LRGUK: variants seen among roughly 807,000 people sequenced by gnomAD.
The protein encoded by LRGUK is leucine-rich repeat and guanylate kinase domain-containing protein.
A neutral mutation model predicts 76.0 loss-of-function variants in LRGUK; 65 were observed. The observed-to-expected ratio is 0.85, with a 90% CI of 0.70 to 1.05. The LOEUF (loss-of-function observed/expected upper bound fraction) is 1.05. LRGUK is among the 50% of genes least tolerant of loss of function. The pLI is 0.00. For missense variants in LRGUK, 758 were observed against 732.8 expected (o/e 1.03, Z -0.40); for synonymous variants, 268 against 265.6 (o/e 1.01, Z -0.09).
At chr7:134,237,430 G>A (rs1802043678) in intron 16 of LRGUK, among the ~76,000 whole-genome samples, 1 of 151,996 alleles carries the variant, frequency 6.6e-6, no homozygotes, top group Admixed American at 6.6e-5. Context: ...TATCATTTAT[G>A]GTCATTATGA....
At chr7:134,258,521 A>G (rs558514273) in intron 19 of LRGUK, 116 bp downstream of exon 19, 1 of 926,462 alleles carries the variant, frequency 1.1e-6, no homozygotes, top group African/African-American at 1.7e-5. Context: ...AAAATTGTGA[A>G]ACCCCATCTC....
rs555477184 is a variant in LRGUK, at chr7:134,166,151, A to G, written c.939+2611A>G. Reference sequence around the variant, plus strand: ...CTCGGTGGAAAATTTATCATTTAGCAGAAACATAACCTAGCTTCTGCTTCT... The same window carrying G: ...CTCGGTGGAAAATTTATCATTTAGCGGAAACATAACCTAGCTTCTGCTTCT... On this transcript the variant is annotated intron_variant, in intron 7 of 15. Transcript: ENST00000645682. Among the ~76,000 whole-genome samples the G allele has an allele frequency of 1.8e-4, 28 of 151,920 alleles. 1 individual carries two copies. Among genetic ancestry groups the G allele is most frequent in the African/African-American group, 6.5e-4 (27 of 41,396 alleles).
chr7:134,200,346 A>G (rs1176770711), intron 14 of LRGUK, among the ~76,000 whole-genome samples: 1 of 152,020 alleles, frequency 6.6e-6, no homozygotes, highest in East Asian at 1.9e-4. Context: ...AAATTTCTAT[A>G]TATTTTTAAA....
chr7:134,208,175 A>C (rs1436426411), intron 15 of LRGUK, among the ~76,000 whole-genome samples: 1 of 152,118 alleles, frequency 6.6e-6, no homozygotes, highest in Non-Finnish European at 1.5e-5. Context: ...TCCTTCTTAC[A>C]TTCATCACCC....
At chr7:134,208,127 C>T (rs1202998729) in intron 15 of LRGUK, among the ~76,000 whole-genome samples, 4 of 152,174 alleles carry the variant, frequency 2.6e-5, no homozygotes, top group Non-Finnish European at 4.4e-5. Flanking sequence ...TGTTCTGAGC[C>T]ATGGTGCCTT....
At chr7:134,158,206 T>G (rs757138567) in intron 6 of LRGUK, 47 bp downstream of exon 6, 2 of 1,514,332 alleles carry the variant, frequency 1.3e-6, no homozygotes, top group Non-Finnish European at 1.8e-6. Context: ...TAGTTAATGC[T>G]TTTAGTAACT....
the LRGUK span, among the ~76,000 whole-genome samples, chr7:134,275,329 A>G: frequency 2.0e-5 from 3 of 152,194 alleles, no homozygotes; most frequent in Non-Finnish European, 4.4e-5. Context: ...TTTATATGGT[A>G]ACTGTCTCAT....
chr7:134,131,813 A>T (rs1192129601), intron 1 of LRGUK, among the ~76,000 whole-genome samples: 16 of 152,168 alleles, frequency 1.1e-4, no homozygotes, highest in Admixed American at 1.0e-3. Flanking sequence ...TATGAACAAT[A>T]TGACTGGAAA....
intron 7 of LRGUK, among the ~76,000 whole-genome samples, chr7:134,172,888 G>A (rs961597364): frequency 9.9e-5 from 15 of 152,032 alleles, no homozygotes; most frequent in African/African-American, 3.4e-4. Context: ...GTCGGGGGCT[G>A]AGGTAGGAAG....
intron 5 of LRGUK, among the ~76,000 whole-genome samples, chr7:134,153,215 A>T (rs1010048224): frequency 2.7e-5 from 4 of 146,880 alleles, no homozygotes; most frequent in Admixed American, 6.7e-5. Context: ...ATTTAAAATT[A>T]AAAAAATCAG....
chr7:134,188,770 A>C (rs1171094125), intron 11 of LRGUK, among the ~76,000 whole-genome samples: 1 of 152,156 alleles, frequency 6.6e-6, no homozygotes, highest in African/African-American at 2.4e-5. Context: ...TAACAATGTG[A>C]TGTGCTGTAA....
At chr7:134,211,274 G>T (rs1182378050), downstream of LRGUK, among the ~76,000 whole-genome samples, 1 of 152,260 alleles carries the variant, frequency 6.6e-6, no homozygotes, top group East Asian at 1.9e-4. Flanking sequence ...GTGTCAGCAA[G>T]TAGCCTTTGT....
downstream of LRGUK, among the ~76,000 whole-genome samples, chr7:134,267,797 G>T (rs1479775937): frequency 6.6e-6 from 1 of 151,986 alleles, no homozygotes; most frequent in African/African-American, 2.4e-5. Context: ...AGGGGGCAAG[G>T]TTTGAAAAAC....
At chr7:134,219,776 A>T (rs1801535121) in intron 15 of LRGUK, among the ~76,000 whole-genome samples, 1 of 151,946 alleles carries the variant, frequency 6.6e-6, no homozygotes, top group Non-Finnish European at 1.5e-5. Context: ...TATATTAAGG[A>T]TACATCTATG....
chr7:134,272,784 C>A, the LRGUK span, among the ~76,000 whole-genome samples: 4 of 152,068 alleles, frequency 2.6e-5, no homozygotes, highest in Non-Finnish European at 4.4e-5. Flanking sequence ...GATGATTAAG[C>A]TAGGTAATGC....
rs374083038 is a variant in LRGUK at position 134,203,201 on chromosome 7, C to CA, written c.1843+1636dup. Among the ~76,000 whole-genome samples the CA allele has an allele frequency of 3.8e-3, 548 of 144,254 alleles. 4 individuals carry two copies. The highest frequency in any genetic ancestry group is 0.012 in the African/African-American group (465 of 39,522). 94.6% of individuals were successfully genotyped at this position (144,254 alleles called of 152,430 possible). A position where few individuals can be genotyped will look rare whatever the true frequency, so the allele number is the denominator to read the frequency against. ...CTAGTGTCAGAGCAAAACTCCATCT[C>CA]AAAAAAAAAAATGGTTAAGATAGTC... is the stretch of plus-strand genomic sequence containing the variant. On this transcript the variant is annotated intron_variant, in intron 15 of 15. Transcript: ENST00000645682.
At chr7:134,261,227 T>G (rs1001402491) in intron 19 of LRGUK, among the ~76,000 whole-genome samples, 1 of 152,186 alleles carries the variant, frequency 6.6e-6, no homozygotes, top group Non-Finnish European at 1.5e-5. Flanking sequence ...TGGGTCAAAC[T>G]CTCATGTCTT....
chr7:134,192,627 G>C (rs1249285131), intron 12 of LRGUK, among the ~76,000 whole-genome samples: 3 of 152,124 alleles, frequency 2.0e-5, no homozygotes, highest in African/African-American at 7.2e-5. Flanking sequence ...TGTTTTATCT[G>C]TTGAAAGTGT....
At chr7:134,243,035 T>A (rs13308555) in intron 16 of LRGUK, among the ~76,000 whole-genome samples, 1 of 151,988 alleles carries the variant, frequency 6.6e-6, no homozygotes, top group Non-Finnish European at 1.5e-5. Context: ...AATAAACTAG[T>A]TATTGATGGG....
Sources: gnomAD v4.1 joint callset for allele counts (sites outside exome capture counted in the v4.1 genomes callset) on GRCh38, gnomAD v4.1.1 for gene constraint, MANE v1.5 for transcripts, NCBI Gene and HGNC (gene_info 2026-07-23, HGNC 2026-07-21) for gene names.